AGTPBP1: variants seen among roughly 807,000 people sequenced by gnomAD.
AGTPBP1 encodes the protein ATP/GTP binding carboxypeptidase 1.
In AGTPBP1, 70 loss-of-function variants were observed where a neutral mutation model predicts 143.9. The ratio of observed to expected loss-of-function variants is 0.49; its 90% CI spans 0.40 to 0.59. The LOEUF is 0.59. Among genes scored for constraint, AGTPBP1 ranks in the 20% least tolerant of loss-of-function variants. AGTPBP1 has a pLI of 0.00. For synonymous variants in AGTPBP1, 463 were observed against 500.2 expected (o/e 0.93, Z 0.99); for missense variants, 1,229 against 1,464.5 (o/e 0.84, Z 2.62).
chr9:85,621,657 G>A (rs527567861), intron 14 of AGTPBP1, among the ~76,000 whole-genome samples: 3 of 152,094 alleles, frequency 2.0e-5, no homozygotes, highest in Non-Finnish European at 4.4e-5. Context: ...GTATAAAGAT[G>A]TGAAAAGCCA....
rs536704977 is a variant in AGTPBP1, at chr9:85,711,849, A to T, written c.32+653T>A. Reference sequence around the variant, plus strand: ...CATTTTAATAGAAAAGTGGCCACAGACAATATGTAAATGAATTAGCATGGC... The same window carrying T: ...CATTTTAATAGAAAAGTGGCCACAGTCAATATGTAAATGAATTAGCATGGC... On this transcript the variant is annotated intron_variant, in intron 2 of 25. Coordinates refer to ENST00000357081, the MANE Select transcript of AGTPBP1 (RefSeq NM_001330701.2). 5.3e-5 allele frequency among the ~76,000 whole-genome samples: 8 copies of T among 152,356 alleles called. No homozygotes were observed. In the South Asian group the frequency reaches 1.4e-3, roughly 28 times the overall value.
chr9:85,646,946 A>G (rs1180352034), intron 11 of AGTPBP1, among the ~76,000 whole-genome samples: 3 of 151,950 alleles, frequency 2.0e-5, no homozygotes, highest in Non-Finnish European at 1.5e-5. Flanking sequence ...TAAAAAAAAA[A>G]AATTACACAC....
At chr9:85,779,615 CTCAATACTTGGCA>C in the AGTPBP1 span, among the ~76,000 whole-genome samples, 15 of 152,190 alleles carry the variant, frequency 9.9e-5, no homozygotes, top group Non-Finnish European at 1.8e-4. Flanking sequence ...CACAGACACA[CTCAATACTTGGCA>C]TCAATACTTG....
chr9:85,585,637 T>C, intron 22 of AGTPBP1, 43 bp from the exon 23 acceptor site: 9 of 1,487,500 alleles, frequency 6.1e-6, no homozygotes, highest in Non-Finnish European at 8.1e-6. Flanking sequence ...TTCAAGTTCA[T>C]ATGTTGCTAA....
the AGTPBP1 span, chr9:85,756,341 A>G: frequency 4.0e-5 from 54 of 1,357,232 alleles, no homozygotes; most frequent in Middle Eastern, 4.0e-4. Flanking sequence ...ATAATAAGAA[A>G]TGTGTGGGAG....
intron 17 of AGTPBP1, among the ~76,000 whole-genome samples, chr9:85,618,467 G>A (rs964704616): frequency 2.0e-5 from 3 of 151,414 alleles, no homozygotes; most frequent in Admixed American, 6.6e-5. Context: ...GACAACTATA[G>A]ACCAATATCC....
intron 13 of AGTPBP1, among the ~76,000 whole-genome samples, chr9:85,634,193 C>CAAAA (rs112565067): frequency 2.0e-4 from 11 of 56,282 alleles, no homozygotes; most frequent in East Asian, 5.7e-4. Flanking sequence ...GACTCTCTCT[C>CAAAA]AAAAAAAAAA....
chr9:85,553,166 C>T (rs1047670783), intron 25 of AGTPBP1, among the ~76,000 whole-genome samples: 10 of 152,032 alleles, frequency 6.6e-5, no homozygotes, highest in Admixed American at 1.3e-4. Context: ...AGCATATAGA[C>T]GTACATGCAT....
chr9:85,712,601 T>C (rs1837450417), intron 1 of AGTPBP1, 35 bp from the exon 2 acceptor site: 6 of 1,134,590 alleles, frequency 5.3e-6, no homozygotes, highest in Non-Finnish European at 7.4e-6. Context: ...TAAAAACTTA[T>C]AACTCTTTTT....
At chr9:85,570,412 G>A (rs1007830266) in intron 25 of AGTPBP1, among the ~76,000 whole-genome samples, 2 of 152,172 alleles carry the variant, frequency 1.3e-5, no homozygotes, top group African/African-American at 2.4e-5. Context: ...ACGTTCAGCT[G>A]CTATTTCTTT....
At chr9:85,575,282 A>G (rs766942762) in intron 25 of AGTPBP1, 33 bp downstream of exon 25, 2 of 1,530,580 alleles carry the variant, frequency 1.3e-6, no homozygotes, top group South Asian at 1.3e-5. Flanking sequence ...AATATACTAC[A>G]ATATAATAAA....
At chr9:85,768,168 T>C in the AGTPBP1 span, among the ~76,000 whole-genome samples, 1 of 152,224 alleles carries the variant, frequency 6.6e-6, no homozygotes, top group African/African-American at 2.4e-5. Flanking sequence ...GGGCTGTCCT[T>C]GGGTTTCTAT....
chr9:85,762,813 G>T, the AGTPBP1 span, among the ~76,000 whole-genome samples: 3 of 146,782 alleles, frequency 2.0e-5, no homozygotes, highest in Admixed American at 6.8e-5. Context: ...TTATATATAT[G>T]TAAAACTTTA....
chr9:85,700,901 A>G (rs1266725480), intron 2 of AGTPBP1, among the ~76,000 whole-genome samples: 1 of 152,170 alleles, frequency 6.6e-6, no homozygotes, highest in African/African-American at 2.4e-5. Context: ...ATAGCTATAT[A>G]TATTAAACAC....
At chr9:85,637,166 C>T (rs1035811312) in intron 13 of AGTPBP1, among the ~76,000 whole-genome samples, 2 of 151,780 alleles carry the variant, frequency 1.3e-5, no homozygotes, top group African/African-American at 4.8e-5. Context: ...CTCAGCCTCC[C>T]AAACAGCTGG....
At chr9:85,787,469 T>C in the AGTPBP1 span, among the ~76,000 whole-genome samples, 1 of 152,166 alleles carries the variant, frequency 6.6e-6, no homozygotes. Flanking sequence ...GATATTTTTT[T>C]CTATAACCTC....
the AGTPBP1 span, among the ~76,000 whole-genome samples, chr9:85,782,701 G>A: frequency 3.2e-4 from 49 of 152,264 alleles, no homozygotes; most frequent in African/African-American, 1.1e-3. Flanking sequence ...ACAGTCTAAT[G>A]TCCCTCATAT....
the AGTPBP1 span, among the ~76,000 whole-genome samples, chr9:85,796,747 C>A: frequency 3.6e-3 from 546 of 152,214 alleles, 8 homozygotes; most frequent in African/African-American, 0.012. Context: ...ATCTCATATA[C>A]CCCATAAATA....
intron 7 of AGTPBP1, among the ~76,000 whole-genome samples, chr9:85,672,169 C>A (rs933806718): frequency 6.6e-6 from 1 of 151,964 alleles, no homozygotes; most frequent in Non-Finnish European, 1.5e-5. Context: ...TTCCCAGGTT[C>A]AAATGATTCT....
Sources: gnomAD v4.1 joint callset for allele counts (sites outside exome capture counted in the v4.1 genomes callset) on GRCh38, gnomAD v4.1.1 for gene constraint, MANE v1.5 for transcripts, NCBI Gene and HGNC (gene_info 2026-07-23, HGNC 2026-07-21) for gene names.